Variants in STXBP5L observed in about 807,000 individuals in gnomAD.
The protein encoded by STXBP5L is syntaxin binding protein 5L.
STXBP5L carries 65 observed loss-of-function variants against 144.5 expected under a neutral mutation model. The ratio of observed to expected loss-of-function variants is 0.45; its 90% CI spans 0.37 to 0.55. STXBP5L has a LOEUF of 0.55. Ranked by LOEUF, STXBP5L falls within the 20% of genes least tolerant of loss-of-function variation. STXBP5L has a pLI of 0.00. For synonymous variants in STXBP5L, 505 were observed against 469.6 expected (o/e 1.08, Z -0.97); for missense variants, 1,298 against 1,405.5 (o/e 0.92, Z 1.22).
At position 121,248,123 on chromosome 3, in the gene STXBP5L, G is replaced by A. The variant is rs141140164; in HGVS notation, c.1401-2600G>A. ...CTGTTGGCCTGGCTGGAGTGCAGTG[G>A]CACAGTCTCGGCTCACTACAATCTC... On this transcript the variant is annotated intron_variant, in intron 14 of 26. Transcript: ENST00000471454. Among the ~76,000 whole-genome samples the A allele has an allele frequency of 2.0e-4, 30 of 152,156 alleles. 1 individual carries two copies. The East Asian group carries it at 2.5e-3, about 13-fold the overall frequency.
chr3:121,259,055 G>A lies in STXBP5L; in HGVS notation c.1845G>A (p.Arg615=). 6.2e-7 allele frequency: 1 copy of A among 1,600,720 alleles called. No homozygotes were observed. Among genetic ancestry groups the A allele is most frequent in the Non-Finnish European group, 8.5e-7 (1 of 1,172,402 alleles). ...DSIPCLNVKT[R]PVRMPPGYQA... ...TTTGTTCTTAAAGTGTGAAGACACGGCCAGTGCGAATGCCTCCAGGATATC... is the reference window on the plus strand; with the variant it reads ...TTTGTTCTTAAAGTGTGAAGACACGACCAGTGCGAATGCCTCCAGGATATC... Residue 615 remains arginine (R), a synonymous_variant, in exon 18 of 27, where the codon CGG becomes CGA. Transcript: ENST00000471454.
At chr3:121,334,290 G>A (rs925969170) in intron 20 of STXBP5L, among the ~76,000 whole-genome samples, 1 of 152,060 alleles carries the variant, frequency 6.6e-6, no homozygotes, top group Non-Finnish European at 1.5e-5. Context: ...GGTCCAGAAG[G>A]ATTCATGGCT....
At chr3:121,046,080 T>A (rs542205686) in intron 5 of STXBP5L, among the ~76,000 whole-genome samples, 3 of 152,182 alleles carry the variant, frequency 2.0e-5, no homozygotes, top group Middle Eastern at 3.4e-3. Context: ...ATGAAGGACA[T>A]CGAATTGTAC....
intron 3 of STXBP5L, among the ~76,000 whole-genome samples, chr3:121,029,953 A>C (rs1323548834): frequency 6.6e-6 from 1 of 152,208 alleles, no homozygotes; most frequent in Non-Finnish European, 1.5e-5. Flanking sequence ...GTCATTAGAG[A>C]AATGCAAATC....
chr3:121,074,362 CT>C (rs2041933698), intron 5 of STXBP5L, among the ~76,000 whole-genome samples: 3 of 152,196 alleles, frequency 2.0e-5, no homozygotes, highest in Admixed American at 6.5e-5. Context: ...AAATCCTTTA[CT>C]GGCTGGTAAT....
intron 22 of STXBP5L, among the ~76,000 whole-genome samples, chr3:121,403,102 A>G (rs1042975081): frequency 3.9e-5 from 6 of 152,190 alleles, no homozygotes; most frequent in African/African-American, 1.4e-4. Context: ...TGAAACAATC[A>G]GATAAAAACT....
chr3:121,105,884 G>T (rs896474414), intron 5 of STXBP5L, among the ~76,000 whole-genome samples: 1 of 152,060 alleles, frequency 6.6e-6, no homozygotes, highest in Non-Finnish European at 1.5e-5. Flanking sequence ...TTTTATGTGT[G>T]TAAAGAGCCA....
intron 9 of STXBP5L, among the ~76,000 whole-genome samples, chr3:121,185,130 A>C (rs1157443629): frequency 1.9e-4 from 29 of 152,046 alleles, no homozygotes. Flanking sequence ...GACCATCGAC[A>C]CTCTGAAGAA....
chr3:121,008,272 C>A (rs902038033), intron 3 of STXBP5L, among the ~76,000 whole-genome samples: 3 of 151,988 alleles, frequency 2.0e-5, no homozygotes, highest in African/African-American at 7.2e-5. Context: ...AGTATAATAA[C>A]TCATTCCTTT....
At chr3:121,090,119 A>T (rs1233057563) in intron 5 of STXBP5L, among the ~76,000 whole-genome samples, 1 of 152,096 alleles carries the variant, frequency 6.6e-6, no homozygotes, top group Non-Finnish European at 1.5e-5. Flanking sequence ...TATTATAATA[A>T]GTGATTTTTA....
At chr3:121,245,056 G>A (rs1306908679) in intron 14 of STXBP5L, among the ~76,000 whole-genome samples, 1 of 151,872 alleles carries the variant, frequency 6.6e-6, no homozygotes, top group African/African-American at 2.4e-5. Context: ...TAAAGATGGT[G>A]GATAAATCAC....
At chr3:121,051,210 G>A (rs1001805255) in intron 5 of STXBP5L, among the ~76,000 whole-genome samples, 1 of 152,236 alleles carries the variant, frequency 6.6e-6, no homozygotes, top group Non-Finnish European at 1.5e-5. Context: ...CCCAGGAATT[G>A]TACTCAGCTC....
chr3:121,071,886 T>A (rs1310684237), intron 5 of STXBP5L, among the ~76,000 whole-genome samples: 1 of 152,212 alleles, frequency 6.6e-6, no homozygotes, highest in African/African-American at 2.4e-5. Flanking sequence ...AATACCCAGT[T>A]ACTTTAGTAG....
At chr3:121,111,107 T>G (rs2043966899) in intron 5 of STXBP5L, among the ~76,000 whole-genome samples, 1 of 152,224 alleles carries the variant, frequency 6.6e-6, no homozygotes, top group South Asian at 2.1e-4. Flanking sequence ...TGTTCCTCTC[T>G]AAACTGGTTA....
intron 3 of STXBP5L, among the ~76,000 whole-genome samples, chr3:120,988,891 C>T (rs1046410444): frequency 6.6e-6 from 1 of 151,932 alleles, no homozygotes; most frequent in Non-Finnish European, 1.5e-5. Context: ...TATTTAATTC[C>T]TACTTACAAG....
At chr3:121,250,232 C>G (rs999150087) in intron 14 of STXBP5L, among the ~76,000 whole-genome samples, 1 of 151,816 alleles carries the variant, frequency 6.6e-6, no homozygotes, top group Non-Finnish European at 1.5e-5. Context: ...ATTTTATCTT[C>G]TTCTATTTTC....
intron 7 of STXBP5L, among the ~76,000 whole-genome samples, chr3:121,144,768 A>G (rs1442522162): frequency 6.6e-6 from 1 of 151,952 alleles, no homozygotes; most frequent in Non-Finnish European, 1.5e-5. Flanking sequence ...GTGGAAGAGT[A>G]TCCCTTCGTG....
intron 25 of STXBP5L, among the ~76,000 whole-genome samples, chr3:121,416,506 TATTA>T (rs2047241561): frequency 7.6e-6 from 1 of 132,298 alleles, no homozygotes; most frequent in African/African-American, 2.8e-5. Flanking sequence ...TTTATTTATT[TATTA>T]TTTATTTATT....
intron 20 of STXBP5L, among the ~76,000 whole-genome samples, chr3:121,356,696 C>T (rs943860219): frequency 6.6e-6 from 1 of 152,196 alleles, no homozygotes; most frequent in Admixed American, 6.5e-5. Context: ...ATGGGCTGCA[C>T]CCACTGTCCA....
Sources: allele counts gnomAD v4.1 joint callset (sites outside exome capture counted in the v4.1 genomes callset), GRCh38; gene constraint gnomAD v4.1.1; transcripts MANE v1.5; gene names NCBI Gene and HGNC (gene_info 2026-07-23, HGNC 2026-07-21).